Variants in RPGR observed in about 807,000 individuals in gnomAD.
The protein encoded by RPGR is X-linked retinitis pigmentosa GTPase regulator.
A neutral mutation model predicts 56.3 loss-of-function variants in RPGR; 10 were observed. The ratio of observed to expected loss-of-function variants is 0.18; its 90% CI spans 0.11 to 0.30. The LOEUF is 0.30. Among genes scored for constraint, RPGR ranks in the 10% least tolerant of loss-of-function variants. The pLI, the probability that RPGR is intolerant of heterozygous loss-of-function variation, is 1.00. For missense variants in RPGR, 538 were observed against 590.9 expected, an observed-to-expected ratio of 0.91 and a Z score of 0.93; for synonymous variants, 197 against 212.9, an observed-to-expected ratio of 0.93 and a Z score of 0.65.
Position 38,321,022 on chromosome X carries a change from T to C in RPGR, c.310+5A>G, listed in dbSNP as rs948684512. The C allele has an allele frequency of 8.4e-7, 1 of 1,193,729 alleles. No homozygotes were observed. Among genetic ancestry groups the C allele is most frequent in the Non-Finnish European group, 1.1e-6 (1 of 879,981 alleles). ...GCAGGAAATCATACAGGTTGAGCAC[T>C]ATACCTGTTGACACCAGGGTGTGGT... On this transcript the variant is annotated splice_donor_5th_base_variant and intron_variant, in intron 4 of 18. Transcript: ENST00000642395.
intron 15 of RPGR, chrX:38,285,605 T>G: frequency 8.3e-7 from 1 of 1,211,779 alleles, no homozygotes; most frequent in Non-Finnish European, 1.1e-6. Flanking sequence ...GATGGCCCGT[T>G]TTTTAAAAGT....
chrX:38,275,410 T>C (rs771023698), intron 16 of RPGR, among the ~76,000 whole-genome samples: 11 of 112,113 alleles, frequency 9.8e-5, no homozygotes, highest in African/African-American at 1.6e-4. Context: ...TGAACGCTAA[T>C]TGGCATACAA....
chrX:38,284,298 C>T (rs10521411), intron 15 of RPGR, 110 bp downstream of exon 15: 3,858 of 207,848 alleles, frequency 0.019, 165 homozygotes, highest in African/African-American at 0.11. Flanking sequence ...ATTATGTACA[C>T]GGAAAATTTT....
intron 4 of RPGR, 134 bp downstream of exon 4, chrX:38,320,893 C>T: frequency 1.9e-6 from 1 of 525,773 alleles, no homozygotes; most frequent in Non-Finnish European, 3.3e-6. Flanking sequence ...GTGTACTAGC[C>T]ATTGACATTT....
intron 6 of RPGR, among the ~76,000 whole-genome samples, chrX:38,314,854 T>A (rs978687134): frequency 1.2e-4 from 13 of 111,528 alleles, no homozygotes; most frequent in Non-Finnish European, 2.4e-4. Flanking sequence ...GTTTGGAGGT[T>A]CCTCAAAAAA....
chrX:38,288,534 G>A (rs1046091283), intron 13 of RPGR, among the ~76,000 whole-genome samples: 5 of 110,540 alleles, frequency 4.5e-5, no homozygotes, highest in African/African-American at 6.6e-5. Flanking sequence ...GTGAAAACCC[G>A]TCTCTACTAA....
At chrX:38,319,178 G>C (rs914963204) in intron 4 of RPGR, among the ~76,000 whole-genome samples, 191 bp from the exon 5 acceptor site, 1 of 112,428 alleles carries the variant, frequency 8.9e-6, no homozygotes, top group African/African-American at 3.2e-5. Context: ...ATTTTTGTGA[G>C]ATTTTAGAAA....
At chrX:38,323,245 T>C (rs1012546406) in intron 2 of RPGR, among the ~76,000 whole-genome samples, 154 bp downstream of exon 2, 37 of 112,389 alleles carry the variant, frequency 3.3e-4, no homozygotes, top group African/African-American at 1.1e-3. Flanking sequence ...AAAGATGCTC[T>C]TGATGACTTA....
Position 38,323,140 on chromosome X carries a change from G to T in RPGR, c.155-195C>A. Among the ~76,000 whole-genome samples, 3 of 111,780 alleles carry T rather than the reference G, an allele frequency of 2.7e-5. No individual in the cohort carries two copies. In the Admixed American group the frequency reaches 2.8e-4, roughly 11 times the overall value. ...AGTTTCTAAAATTATACGGTAACAGGTTTTTTTAAAAAATTATATTGAAAT... is the reference window on the plus strand; with the variant it reads ...AGTTTCTAAAATTATACGGTAACAGTTTTTTTTAAAAAATTATATTGAAAT... On this transcript the variant is annotated intron_variant, in intron 2 of 18. Transcript: ENST00000642395.
intron 13 of RPGR, 103 bp downstream of exon 13, chrX:38,290,852 AAAGT>A: frequency 7.3e-6 from 2 of 274,486 alleles, no homozygotes; most frequent in Non-Finnish European, 7.1e-6. Flanking sequence ...TTTAAATTCT[AAAGT>A]AAGTAAATGC....
chrX:38,286,051 T>TCCCCTTCTC, intron 15 of RPGR: 1 of 325,627 alleles, frequency 3.1e-6, no homozygotes, highest in South Asian at 4.0e-5. Flanking sequence ...TCCTTCCTCC[T>TCCCCTTCTC]CTTCCCCCTC....
Position 38,319,472 on chromosome X carries a change from A to C in RPGR, c.311-485T>G, listed in dbSNP as rs2067889801. ...TGTATTTATTTTAACTTCCTAGCTA[A>C]ATAGGAAGGCACTATAGCACTCTGT... On this transcript the variant is annotated intron_variant, in intron 4 of 18. Coordinates refer to ENST00000642395, the MANE Select transcript of RPGR (RefSeq NM_000328.3). Among the ~76,000 whole-genome samples the C allele has an allele frequency of 3.6e-5, 4 of 112,140 alleles. No individual in the cohort carries two copies. In the South Asian group the frequency reaches 1.5e-3, roughly 41 times the overall value.
intron 6 of RPGR, among the ~76,000 whole-genome samples, chrX:38,314,464 C>G (rs2067780579): frequency 9.0e-6 from 1 of 111,316 alleles, no homozygotes. Flanking sequence ...AGTCTCTATT[C>G]TCCAGTATCT....
chrX:38,301,989 T>G (rs1403112879), intron 8 of RPGR, among the ~76,000 whole-genome samples: 3 of 111,719 alleles, frequency 2.7e-5, no homozygotes, highest in Non-Finnish European at 5.6e-5. Context: ...TACTACTGGC[T>G]TAGCTTAACT....
chrX:38,310,433 C>T (rs1311060692), intron 7 of RPGR, among the ~76,000 whole-genome samples, 182 bp downstream of exon 7: 1 of 111,309 alleles, frequency 9.0e-6, no homozygotes, highest in East Asian at 2.8e-4. Flanking sequence ...CAGAGATCTG[C>T]TGTACAATGG....
intron 15 of RPGR, among the ~76,000 whole-genome samples, chrX:38,280,091 C>G (rs1192525591): frequency 5.4e-5 from 6 of 110,879 alleles, no homozygotes; most frequent in Middle Eastern, 4.2e-3. Context: ...ATTTTATAGT[C>G]TACCTGTAAA....
rs1480440190 is a variant in RPGR at position 38,316,095 on chromosome X, T to C, written c.619+1221A>G. ...AAGTTGCTTTAAGTGATTAAAGTCA[T>C]AAAATAATGGCTAGTGTGAAAATTA... On this transcript the variant is annotated intron_variant, in intron 6 of 18. Coordinates refer to ENST00000642395, the MANE Select transcript of RPGR (RefSeq NM_000328.3). 4.5e-5 allele frequency among the ~76,000 whole-genome samples: 5 copies of C among 110,931 alleles called. No homozygotes were observed. In the East Asian group the frequency reaches 1.4e-3, roughly 31 times the overall value.
intron 7 of RPGR, among the ~76,000 whole-genome samples, chrX:38,307,831 A>C (rs1359205028): frequency 8.9e-6 from 1 of 111,949 alleles, no homozygotes; most frequent in Non-Finnish European, 1.9e-5. Context: ...ACATTTATAC[A>C]GTTTAAGGAG....
chrX:38,310,602 A>T lies in RPGR; in HGVS notation c.778+13T>A, dbSNP rs199625400. The T allele has an allele frequency of 8.5e-3, 10,318 of 1,208,155 alleles. 53 individuals are homozygous for T. The highest frequency in any genetic ancestry group is 0.025 in the Middle Eastern group (107 of 4,344). ...CAGAACGCAGGGAACAGAACAGTGG[A>T]CTCCACACATACCCGTGAGAACCAC... On this transcript the variant is annotated intron_variant, in intron 7 of 18. Coordinates refer to ENST00000642395, the MANE Select transcript of RPGR (RefSeq NM_000328.3).
Sources: gnomAD v4.1 joint callset for allele counts (sites outside exome capture counted in the v4.1 genomes callset) on GRCh38, gnomAD v4.1.1 for gene constraint, MANE v1.5 for transcripts, NCBI Gene and HGNC (gene_info 2026-07-23, HGNC 2026-07-21) for gene names.